PACRG: variants seen among roughly 807,000 people sequenced by gnomAD.
PACRG encodes parkin coregulated.
PACRG carries 29 observed loss-of-function variants against 29.7 expected under a neutral mutation model. The ratio of observed to expected loss-of-function variants is 0.98; its 90% CI spans 0.73 to 1.33. PACRG has a LOEUF of 1.33. PACRG is among the 40% of genes most tolerant of loss of function. PACRG has a pLI of 0.00. For missense variants in PACRG, 279 were observed against 316.2 expected, an observed-to-expected ratio of 0.88 and a Z score of 0.89; for synonymous variants, 116 against 118.7, an observed-to-expected ratio of 0.98 and a Z score of 0.15.
At chr6:162,994,668 T>G (rs1432982630) in intron 2 of PACRG, among the ~76,000 whole-genome samples, 1 of 137,470 alleles carries the variant, frequency 7.3e-6, no homozygotes, top group Non-Finnish European at 1.5e-5. Context: ...GTTTTCAACT[T>G]CTTTGCCTTT....
chr6:163,300,414 G>C (rs2128189783), intron 4 of PACRG, among the ~76,000 whole-genome samples: 1 of 152,046 alleles, frequency 6.6e-6, no homozygotes, highest in Non-Finnish European at 1.5e-5. Context: ...ATGCAGAGAA[G>C]GTGGCGGTAG....
At chr6:163,244,388 G>C (rs1304714158) in intron 4 of PACRG, among the ~76,000 whole-genome samples, 1 of 152,078 alleles carries the variant, frequency 6.6e-6, no homozygotes, top group Admixed American at 6.6e-5. Flanking sequence ...GACCTAACGT[G>C]TGCTAAACTT....
At chr6:162,858,025 C>T (rs1046271905) in intron 2 of PACRG, among the ~76,000 whole-genome samples, 6 of 152,172 alleles carry the variant, frequency 3.9e-5, no homozygotes, top group African/African-American at 1.2e-4. Context: ...AATTTAGAAG[C>T]CATATTGGTA....
At chr6:162,904,833 C>T (rs1795816416) in intron 2 of PACRG, among the ~76,000 whole-genome samples, 2 of 152,114 alleles carry the variant, frequency 1.3e-5, no homozygotes, top group Admixed American at 1.3e-4. Context: ...GATGATATGG[C>T]ATGAGAATAA....
At position 162,945,957 on chromosome 6, in the gene PACRG, A is replaced by G. The variant is rs145908911; in HGVS notation, c.292-116193A>G. ...AAGGAGGAAATTAAAAAATATCTTG[A>G]AACAAATGAAAGTCAAAATGCAACA... On this transcript the variant is annotated intron_variant, in intron 2 of 4. Coordinates refer to ENST00000366888, the MANE Select transcript of PACRG (RefSeq NM_001080379.2). 2.3e-3 allele frequency among the ~76,000 whole-genome samples: 356 copies of G among 152,294 alleles called. 2 individuals carry two copies. The highest frequency in any genetic ancestry group is 8.1e-3 in the African/African-American group (336 of 41,578).
intron 2 of PACRG, among the ~76,000 whole-genome samples, chr6:163,032,907 AC>A (rs1405207466): frequency 1.3e-5 from 2 of 152,124 alleles, no homozygotes; most frequent in Non-Finnish European, 2.9e-5. Flanking sequence ...TCTAAGAAAA[AC>A]CTATTATGCT....
intron 2 of PACRG, among the ~76,000 whole-genome samples, chr6:162,995,375 G>A (rs1803906156): frequency 6.6e-6 from 1 of 151,746 alleles, no homozygotes; most frequent in Non-Finnish European, 1.5e-5. Context: ...TCAGACTGCT[G>A]TGCTAGCAAT....
intron 4 of PACRG, among the ~76,000 whole-genome samples, chr6:163,211,559 A>G (rs1028251368): frequency 2.0e-5 from 3 of 152,150 alleles, no homozygotes; most frequent in Non-Finnish European, 4.4e-5. Flanking sequence ...TGGAGTTTTT[A>G]CAGAAGCCTT....
intron 4 of PACRG, among the ~76,000 whole-genome samples, chr6:163,231,133 G>A (rs1415083422): frequency 6.6e-6 from 1 of 152,222 alleles, no homozygotes; most frequent in African/African-American, 2.4e-5. Flanking sequence ...ACCACCTTTG[G>A]GAGGCTGGCA....
At chr6:162,947,632 AT>A (rs1799329034) in intron 2 of PACRG, among the ~76,000 whole-genome samples, 4 of 71,906 alleles carry the variant, frequency 5.6e-5, no homozygotes, top group Admixed American at 5.5e-4. Context: ...ATATATATAT[AT>A]ATATATATAT....
chr6:163,091,343 T>A (rs1341915793), intron 4 of PACRG, among the ~76,000 whole-genome samples: 1 of 152,228 alleles, frequency 6.6e-6, no homozygotes, highest in African/African-American at 2.4e-5. Flanking sequence ...AACCTTTAAC[T>A]CACAGGTGTT....
chr6:163,114,108 G>A (rs1304704970), intron 4 of PACRG, among the ~76,000 whole-genome samples: 1 of 152,088 alleles, frequency 6.6e-6, no homozygotes, highest in Non-Finnish European at 1.5e-5. Context: ...AAACTAGTTG[G>A]GCATGGTGGT....
At chr6:162,832,606 G>C (rs754660696) in intron 2 of PACRG, among the ~76,000 whole-genome samples, 4 of 151,926 alleles carry the variant, frequency 2.6e-5, no homozygotes, top group Non-Finnish European at 5.9e-5. Context: ...GCTTCTGCTG[G>C]GATTTGCTGT....
intron 2 of PACRG, among the ~76,000 whole-genome samples, chr6:162,852,005 G>GAGGAAGGAAGGAAGGAAGGA (rs749750362): frequency 3.6e-4 from 42 of 116,102 alleles, no homozygotes; most frequent in African/African-American, 1.2e-3. Flanking sequence ...GGGAGGGAGG[G>GAGGAAGGAAGGAAGGAAGGA]AGGAAGGAAG....
chr6:163,090,336 G>A (rs888588518), intron 4 of PACRG: 3 of 152,096 alleles, frequency 2.0e-5, no homozygotes, highest in African/African-American at 7.2e-5. Flanking sequence ...AAAGCTTTTA[G>A]CTCTCTTTCA....
intron 4 of PACRG, among the ~76,000 whole-genome samples, chr6:163,229,219 G>A (rs926255296): frequency 2.6e-5 from 4 of 152,106 alleles, no homozygotes; most frequent in African/African-American, 4.8e-5. Context: ...CAGGGGAGAG[G>A]TGGTGCACAC....
chr6:162,898,504 A>G (rs1015289851), intron 2 of PACRG, among the ~76,000 whole-genome samples: 1 of 152,238 alleles, frequency 6.6e-6, no homozygotes, highest in East Asian at 1.9e-4. Flanking sequence ...AAATTTTCAC[A>G]CAATGGAAGT....
At chr6:163,200,438 C>G (rs541876480) in intron 4 of PACRG, among the ~76,000 whole-genome samples, 2 of 152,154 alleles carry the variant, frequency 1.3e-5, no homozygotes, top group East Asian at 3.9e-4. Flanking sequence ...CGTGACCTCG[C>G]GCAAAGGCAA....
At chr6:162,878,727 G>A (rs1793580605) in intron 2 of PACRG, among the ~76,000 whole-genome samples, 1 of 152,166 alleles carries the variant, frequency 6.6e-6, no homozygotes, top group African/African-American at 2.4e-5. Context: ...ACACATAAGG[G>A]ACAAATTTAA....
Sources: gnomAD v4.1 joint callset for allele counts (sites outside exome capture counted in the v4.1 genomes callset) on GRCh38, gnomAD v4.1.1 for gene constraint, MANE v1.5 for transcripts, NCBI Gene and HGNC (gene_info 2026-07-23, HGNC 2026-07-21) for gene names.